Variants in DOCK8 observed in about 807,000 individuals in gnomAD.
DOCK8 encodes dedicator of cytokinesis protein 8.
DOCK8 carries 141 observed loss-of-function variants against 245.6 expected under a neutral mutation model. That is an observed-to-expected ratio of 0.57 (90% confidence interval 0.50 to 0.66). The LOEUF is 0.66. Among genes scored for constraint, DOCK8 ranks in the 30% least tolerant of loss-of-function variants. DOCK8 has a pLI of 0.00. For synonymous variants in DOCK8, 1,168 were observed against 970.2 expected (o/e 1.20, Z -3.79); for missense variants, 2,965 against 2,603.4 (o/e 1.14, Z -3.02).
intron 1 of DOCK8, among the ~76,000 whole-genome samples, chr9:226,239 T>C (rs1358834327): frequency 6.6e-6 from 1 of 152,146 alleles, no homozygotes; most frequent in African/African-American, 2.4e-5. Context: ...AATTGCCCTT[T>C]ATAAAACCAT....
chr9:231,005 G>T (rs1019238990), intron 1 of DOCK8, among the ~76,000 whole-genome samples: 2 of 152,004 alleles, frequency 1.3e-5, no homozygotes, highest in African/African-American at 4.8e-5. Context: ...GTATTGCCTA[G>T]GTTTTCTTCT....
chr9:220,525 C>T (rs1030974824), intron 1 of DOCK8, among the ~76,000 whole-genome samples: 2 of 152,114 alleles, frequency 1.3e-5, no homozygotes, highest in Non-Finnish European at 2.9e-5. Context: ...CTCAACTTTC[C>T]GTCCTCTTTA....
intron 12 of DOCK8, 45 bp downstream of exon 12, chr9:336,763 G>A (rs372826858): frequency 6.2e-7 from 1 of 1,612,588 alleles, no homozygotes; most frequent in Non-Finnish European, 8.5e-7. Context: ...CCCCATACTG[G>A]CATGGGCACT....
intron 46 of DOCK8, chr9:458,169 G>A (rs992837455): frequency 2.0e-5 from 3 of 152,216 alleles, no homozygotes; most frequent in Non-Finnish European, 4.4e-5. Flanking sequence ...GCCTCATAAA[G>A]TCATCAGAGA....
chr9:315,590 T>C (rs570599739), intron 6 of DOCK8, among the ~76,000 whole-genome samples: 3 of 152,202 alleles, frequency 2.0e-5, no homozygotes, highest in Admixed American at 6.5e-5. Flanking sequence ...TTTAAAGATA[T>C]GTACTGAAAT....
chr9:309,672 T>C (rs1425195302), intron 5 of DOCK8, among the ~76,000 whole-genome samples: 1 of 152,212 alleles, frequency 6.6e-6, no homozygotes, highest in African/African-American at 2.4e-5. Flanking sequence ...GCAAATTTTT[T>C]CCTTTTTGTT....
chr9:227,857 G>A (rs2047023688), intron 1 of DOCK8, among the ~76,000 whole-genome samples: 1 of 152,090 alleles, frequency 6.6e-6, no homozygotes, highest in Non-Finnish European at 1.5e-5. Flanking sequence ...GAAGAGATAC[G>A]AAAAGATAGG....
chr9:233,142 A>C (rs1414047186), intron 1 of DOCK8, among the ~76,000 whole-genome samples: 3 of 151,946 alleles, frequency 2.0e-5, no homozygotes, highest in African/African-American at 7.3e-5. Flanking sequence ...TTCTGCCTTC[A>C]TTTCATTATT....
At chr9:250,661 C>T (rs1031622460) in intron 1 of DOCK8, among the ~76,000 whole-genome samples, 8 of 152,264 alleles carry the variant, frequency 5.3e-5, no homozygotes, top group South Asian at 4.1e-4. Flanking sequence ...GGGGCCTACA[C>T]GGGTGGAAAG....
chr9:411,989 A>G (rs1443278317), intron 28 of DOCK8, among the ~76,000 whole-genome samples: 1 of 152,214 alleles, frequency 6.6e-6, no homozygotes, highest in Non-Finnish European at 1.5e-5. Context: ...TGTGACACTT[A>G]TTAGTGAAAA....
Position 357,050 on chromosome 9 carries a change from A to G in DOCK8, c.1680-10968A>G, listed in dbSNP as rs535240759. Reference sequence around the variant, plus strand: ...CTAGCTTTCCCTTTGGGTCTTTGCTATTGAAAACTAGTTGGACTTAAACAA... The same window carrying G: ...CTAGCTTTCCCTTTGGGTCTTTGCTGTTGAAAACTAGTTGGACTTAAACAA... On this transcript the variant is annotated intron_variant, in intron 14 of 47. Coordinates refer to ENST00000432829, the MANE Select transcript of DOCK8 (RefSeq NM_203447.4). Among the ~76,000 whole-genome samples, 14 of 152,290 alleles carry G rather than the reference A, an allele frequency of 9.2e-5. 1 individual carries two copies. The highest frequency in any genetic ancestry group is 3.1e-4 in the African/African-American group (13 of 41,544).
At chr9:303,266 C>T (rs36066376) in intron 4 of DOCK8, among the ~76,000 whole-genome samples, 18,725 of 152,128 alleles carry the variant, frequency 0.12, 1,466 homozygotes, top group Non-Finnish European at 0.18. Flanking sequence ...ACCATTCAAC[C>T]CAGCAATCCC....
chr9:414,483 A>G (rs2055894514), intron 28 of DOCK8, among the ~76,000 whole-genome samples: 2 of 151,940 alleles, frequency 1.3e-5, no homozygotes, highest in Non-Finnish European at 2.9e-5. Flanking sequence ...CAGGGTTAGA[A>G]CACAGGCAGT....
chr9:331,615 T>C (rs1586719791), intron 9 of DOCK8, among the ~76,000 whole-genome samples: 1 of 152,242 alleles, frequency 6.6e-6, no homozygotes, highest in Non-Finnish European at 1.5e-5. Flanking sequence ...GTTAAATTTT[T>C]TTTGAGCAGA....
At chr9:393,103 AAAAAAAAAAAAG>A (rs2054279383) in intron 24 of DOCK8, among the ~76,000 whole-genome samples, 1 of 150,358 alleles carries the variant, frequency 6.7e-6, no homozygotes, top group Non-Finnish European at 1.5e-5. Context: ...AAAAAAAAAA[AAAAAAAAAAAAG>A]AAGAAGAAGA....
At chr9:430,734 G>C (rs913485862) in intron 36 of DOCK8, among the ~76,000 whole-genome samples, 1 of 152,066 alleles carries the variant, frequency 6.6e-6, no homozygotes, top group African/African-American at 2.4e-5. Context: ...ATCTGTGGGG[G>C]AAAAAATACA....
At chr9:434,115 C>A in intron 38 of DOCK8, 140 bp downstream of exon 38, 1 of 692,886 alleles carries the variant, frequency 1.4e-6, no homozygotes, top group Non-Finnish European at 2.6e-6. Flanking sequence ...AGAAATTAAA[C>A]ATTCAGAGTA....
At chr9:276,805 C>T (rs1052822224) in intron 2 of DOCK8, among the ~76,000 whole-genome samples, 2 of 152,030 alleles carry the variant, frequency 1.3e-5, no homozygotes, top group Non-Finnish European at 2.9e-5. Flanking sequence ...ATTGTCTTTT[C>T]ATTTATTTAT....
At chr9:273,080 G>T (rs1320997185) in intron 2 of DOCK8, 3 of 985,280 alleles carry the variant, frequency 3.0e-6, no homozygotes, top group Non-Finnish European at 2.4e-6. Flanking sequence ...TACGCGCCGT[G>T]TAACTGTGAA....
Sources: allele counts gnomAD v4.1 joint callset (sites outside exome capture counted in the v4.1 genomes callset), GRCh38; gene constraint gnomAD v4.1.1; transcripts MANE v1.5; gene names NCBI Gene and HGNC (gene_info 2026-07-23, HGNC 2026-07-21).